MINDY2: variants seen among roughly 807,000 people sequenced by gnomAD.
MINDY2 encodes the protein MINDY lysine 48 deubiquitinase 2.
Under a neutral mutation model 68.2 loss-of-function variants are expected in MINDY2, and 52 were observed. The observed-to-expected ratio is 0.76, with a 90% CI of 0.61 to 0.96. The LOEUF (loss-of-function observed/expected upper bound fraction) is 0.96. Ranked by LOEUF, MINDY2 falls within the 40% of genes least tolerant of loss-of-function variation. The pLI is 0.00. For missense variants in MINDY2, 881 were observed against 773.4 expected (o/e 1.14, Z -1.65); for synonymous variants, 372 against 303.0 (o/e 1.23, Z -2.36).
chr15:58,835,887 A>G (rs905072945), intron 6 of MINDY2, among the ~76,000 whole-genome samples: 20 of 151,974 alleles, frequency 1.3e-4, no homozygotes, highest in African/African-American at 4.8e-4. Flanking sequence ...TAGATCTTGT[A>G]AAGTCTTGGG....
intron 6 of MINDY2, among the ~76,000 whole-genome samples, chr15:58,840,590 C>A (rs2032227069): frequency 6.6e-6 from 1 of 150,538 alleles, no homozygotes; most frequent in South Asian, 2.1e-4. Context: ...TGGGCGGATC[C>A]TCTTTGTGAA....
chr15:58,824,616 C>T (rs777750453), intron 5 of MINDY2, among the ~76,000 whole-genome samples: 4 of 151,410 alleles, frequency 2.6e-5, no homozygotes, highest in Admixed American at 6.6e-5. Context: ...AATAAAAGAC[C>T]GTAATAGACA....
chr15:58,773,875 G>A (rs1270863141), intron 1 of MINDY2, among the ~76,000 whole-genome samples: 4 of 152,192 alleles, frequency 2.6e-5, no homozygotes, highest in African/African-American at 9.7e-5. Flanking sequence ...GAAGTGGTAA[G>A]CTAATGTTGG....
At chr15:58,853,077 C>G (rs1033774281) in intron 8 of MINDY2, among the ~76,000 whole-genome samples, 1 of 151,170 alleles carries the variant, frequency 6.6e-6, no homozygotes. Context: ...CTCAGCCTCC[C>G]AAGTAGCTGG....
chr15:58,840,811 C>A (rs2032241751), intron 6 of MINDY2, among the ~76,000 whole-genome samples: 1 of 143,356 alleles, frequency 7.0e-6, no homozygotes, highest in Non-Finnish European at 1.5e-5. Context: ...CCCCCGCCAC[C>A]ATGCCCAGCT....
Position 58,849,860 on chromosome 15 carries a change from C to CTGAG in MINDY2, c.1543-1909_1543-1906dup, listed in dbSNP as rs1184623187. On this transcript the variant is annotated intron_variant, in intron 7 of 8. Transcript: ENST00000559228. ...AGGCTCAAGCAAACACCTCAGCCTC[C>CTGAG]TGAGTAGCTGGGACTACAGGCATGT... 2.0e-5 allele frequency among the ~76,000 whole-genome samples: 3 copies of CTGAG among 152,264 alleles called. No individual in the cohort carries two copies. The East Asian group carries it at 5.8e-4, about 29-fold the overall frequency.
chr15:58,840,254 C>G (rs2032210827), intron 6 of MINDY2, among the ~76,000 whole-genome samples: 2 of 152,194 alleles, frequency 1.3e-5, no homozygotes, highest in Admixed American at 1.3e-4. Flanking sequence ...GAATATAGTA[C>G]AAACAATGAT....
intron 1 of MINDY2, among the ~76,000 whole-genome samples, chr15:58,784,769 G>A (rs1045721278): frequency 6.6e-5 from 10 of 151,630 alleles, no homozygotes; most frequent in Non-Finnish European, 1.3e-4. Flanking sequence ...ACAGGCACGT[G>A]CCACCACACC....
chr15:58,831,726 TGA>T (rs1422869737), intron 5 of MINDY2, 46 bp from the exon 6 acceptor site: 3 of 1,539,286 alleles, frequency 1.9e-6, no homozygotes, highest in Admixed American at 2.1e-5. Context: ...AATAACTTTT[TGA>T]TTTTGAAATT....
intron 6 of MINDY2, among the ~76,000 whole-genome samples, chr15:58,846,984 T>C (rs1316040104): frequency 6.6e-6 from 1 of 152,190 alleles, no homozygotes; most frequent in African/African-American, 2.4e-5. Context: ...GGAATTTGTA[T>C]GGTATTTTTC....
intron 1 of MINDY2, among the ~76,000 whole-genome samples, chr15:58,780,342 C>T (rs981716059): frequency 4.0e-5 from 6 of 151,512 alleles, no homozygotes; most frequent in African/African-American, 1.5e-4. Flanking sequence ...AGGGAGGTTG[C>T]GGTGAGCCGA....
intron 1 of MINDY2, among the ~76,000 whole-genome samples, chr15:58,778,655 A>G (rs950087793): frequency 2.6e-5 from 4 of 151,616 alleles, no homozygotes; most frequent in Non-Finnish European, 1.5e-5. Flanking sequence ...GAGATAGACT[A>G]TCATTCTGTC....
chr15:58,804,475 C>CTGAGAAAATCTTGATTGAAA (rs1902883529), intron 3 of MINDY2, among the ~76,000 whole-genome samples: 2 of 152,070 alleles, frequency 1.3e-5, no homozygotes, highest in African/African-American at 4.8e-5. Flanking sequence ...TTGCCTAATC[C>CTGAGAAAATCTTGATTGAAA]TGAGAAAATC....
At chr15:58,843,340 G>A (rs990245981) in intron 6 of MINDY2, among the ~76,000 whole-genome samples, 6 of 151,972 alleles carry the variant, frequency 3.9e-5, no homozygotes, top group African/African-American at 7.3e-5. Flanking sequence ...TAGTAGAGAC[G>A]GGGTTTCACC....
chr15:58,833,920 A>C (rs1416970081), intron 6 of MINDY2, among the ~76,000 whole-genome samples: 2 of 152,030 alleles, frequency 1.3e-5, no homozygotes, highest in African/African-American at 4.8e-5. Context: ...TTCCCTTCCC[A>C]CGAGGCCATA....
intron 5 of MINDY2, among the ~76,000 whole-genome samples, chr15:58,827,942 A>T (rs899250257): frequency 1.3e-5 from 2 of 151,716 alleles, no homozygotes; most frequent in Admixed American, 1.3e-4. Context: ...GAATCAAATC[A>T]TATGAGTGGG....
intron 2 of MINDY2, among the ~76,000 whole-genome samples, chr15:58,801,318 G>A (rs1468661367): frequency 1.4e-5 from 2 of 142,414 alleles, no homozygotes; most frequent in Admixed American, 7.4e-5. Flanking sequence ...GGCCAGGAAC[G>A]GTGGCTCATG....
At chr15:58,819,264 C>T (rs1346791135) in intron 4 of MINDY2, among the ~76,000 whole-genome samples, 4 of 152,112 alleles carry the variant, frequency 2.6e-5, no homozygotes, top group Non-Finnish European at 5.9e-5. Flanking sequence ...GCCTGGACAA[C>T]GTAATGAGAC....
At chr15:58,785,885 G>T (rs768425348) in intron 1 of MINDY2, among the ~76,000 whole-genome samples, 4 of 151,930 alleles carry the variant, frequency 2.6e-5, no homozygotes, top group Non-Finnish European at 5.9e-5. Flanking sequence ...CACCAAGTTG[G>T]CCAGGCTCGT....
Sources: gnomAD v4.1 joint callset for allele counts (sites outside exome capture counted in the v4.1 genomes callset) on GRCh38, gnomAD v4.1.1 for gene constraint, MANE v1.5 for transcripts, NCBI Gene and HGNC (gene_info 2026-07-23, HGNC 2026-07-21) for gene names.